Variants in SYT1 observed in about 807,000 individuals in gnomAD.
SYT1 encodes synaptotagmin-1.
Under a neutral mutation model 44.8 loss-of-function variants are expected in SYT1, and 8 were observed. The ratio of observed to expected loss-of-function variants is 0.18; its 90% CI spans 0.10 to 0.32. The LOEUF (loss-of-function observed/expected upper bound fraction) is 0.32. SYT1 is among the 10% of genes least tolerant of loss of function. The pLI is 1.00. For missense variants in SYT1, 286 were observed against 509.3 expected (o/e 0.56, Z 4.22); for synonymous variants, 154 against 188.8 (o/e 0.82, Z 1.51).
chr12:79,002,275 C>G (rs1458062277), intron 2 of SYT1, among the ~76,000 whole-genome samples: 4 of 152,046 alleles, frequency 2.6e-5, no homozygotes, highest in Admixed American at 6.6e-5. Flanking sequence ...TGCTCCCTCC[C>G]CAGTCGAAAG....
chr12:78,899,232 T>TAGTGTAGG (rs1250317631), intron 1 of SYT1, among the ~76,000 whole-genome samples: 1 of 152,046 alleles, frequency 6.6e-6, no homozygotes, highest in Non-Finnish European at 1.5e-5. Context: ...TGAATGTTTT[T>TAGTGTAGG]AGTGTAGGGA....
At chr12:78,939,778 T>A (rs1878253179) in intron 1 of SYT1, among the ~76,000 whole-genome samples, 1 of 152,194 alleles carries the variant, frequency 6.6e-6, no homozygotes, top group Non-Finnish European at 1.5e-5. Flanking sequence ...TGAAACTATC[T>A]TCTACAGTCT....
intron 4 of SYT1, among the ~76,000 whole-genome samples, chr12:79,259,863 G>A (rs530422413): frequency 6.6e-6 from 1 of 152,316 alleles, no homozygotes; most frequent in East Asian, 1.9e-4. Flanking sequence ...AGTATCCACA[G>A]CCAGAAAGAG....
chr12:79,044,729 C>G (rs1873872803), intron 2 of SYT1, among the ~76,000 whole-genome samples: 2 of 149,694 alleles, frequency 1.3e-5, no homozygotes, highest in Admixed American at 1.3e-4. Flanking sequence ...TCCAGTTTTT[C>G]TGTTCTGTTT....
intron 1 of SYT1, among the ~76,000 whole-genome samples, chr12:78,865,640 A>G (rs1451837884): frequency 6.6e-6 from 1 of 152,090 alleles, no homozygotes; most frequent in East Asian, 1.9e-4. Flanking sequence ...ATTAAACTGA[A>G]TAAGGGGAGT....
At chr12:78,915,611 A>G (rs1010302716) in intron 1 of SYT1, among the ~76,000 whole-genome samples, 3 of 151,986 alleles carry the variant, frequency 2.0e-5, no homozygotes, top group South Asian at 4.1e-4. Flanking sequence ...TTATCTATAG[A>G]TGTATTGAAT....
In SYT1 at chr12:78,869,607, CATT is replaced by C. The variant is rs1266916428; in HGVS notation, c.-217+4502_-217+4504del. 2.6e-5 allele frequency among the ~76,000 whole-genome samples: 4 copies of C among 151,786 alleles called. No homozygotes were observed. In the East Asian group the frequency reaches 7.7e-4, roughly 29 times the overall value. ...TAGTTTTAAAATGGCATCTACATTA[CATT>C]ATTTTAAAAAAGCAATATTTAAGAG... On this transcript the variant is annotated intron_variant, in intron 1 of 10. Coordinates refer to ENST00000261205, the MANE Select transcript of SYT1 (RefSeq NM_005639.3).
chr12:79,162,775 A>T lies in SYT1; in HGVS notation c.-17-54728A>T, dbSNP rs534887863. 3.5e-4 allele frequency among the ~76,000 whole-genome samples: 54 copies of T among 152,270 alleles called. No individual in the cohort carries two copies. The South Asian group carries it at 0.011, about 32-fold the overall frequency. On this transcript the variant is annotated intron_variant, in intron 3 of 10. Coordinates refer to ENST00000261205, the MANE Select transcript of SYT1 (RefSeq NM_005639.3). ...AGCAGCAATTTTGTTTTGAAATTAA[A>T]TGCAAGACTTTACATTTTCTCTATT...
At chr12:79,159,183 G>C (rs1870793601) in intron 3 of SYT1, among the ~76,000 whole-genome samples, 1 of 152,190 alleles carries the variant, frequency 6.6e-6, no homozygotes, top group Non-Finnish European at 1.5e-5. Context: ...GAGGTGAACA[G>C]TAAGGTGGAG....
intron 3 of SYT1, among the ~76,000 whole-genome samples, chr12:79,140,106 C>G (rs913906236): frequency 1.3e-5 from 2 of 152,228 alleles, no homozygotes; most frequent in African/African-American, 4.8e-5. Flanking sequence ...AAACTCGCTT[C>G]ATCTGAGAAG....
chr12:79,128,418 A>C (rs566208012), intron 3 of SYT1, among the ~76,000 whole-genome samples: 1 of 152,258 alleles, frequency 6.6e-6, no homozygotes, highest in South Asian at 2.1e-4. Context: ...AGATAGATAG[A>C]TGATAGATAG....
intron 8 of SYT1, among the ~76,000 whole-genome samples, chr12:79,342,377 A>T (rs1158825800): frequency 6.6e-6 from 1 of 151,640 alleles, no homozygotes; most frequent in African/African-American, 2.4e-5. Context: ...AACCACAGGC[A>T]TGCACCACCA....
chr12:79,443,934 A>G, intron 9 of SYT1, 139 bp from the exon 10 acceptor site: 1 of 902,730 alleles, frequency 1.1e-6, no homozygotes, highest in South Asian at 1.9e-5. Flanking sequence ...ATTTCAATAA[A>G]AAAGTATTGA....
chr12:78,958,934 T>G (rs974353591), intron 1 of SYT1, among the ~76,000 whole-genome samples: 2 of 152,198 alleles, frequency 1.3e-5, no homozygotes, highest in Non-Finnish European at 2.9e-5. Context: ...TATAATATGC[T>G]AACTCAAACT....
intron 9 of SYT1, among the ~76,000 whole-genome samples, chr12:79,383,905 C>T (rs1884324596): frequency 6.6e-6 from 1 of 152,058 alleles, no homozygotes; most frequent in African/African-American, 2.4e-5. Flanking sequence ...TGAAAAATGG[C>T]GCCAACCATA....
chr12:78,923,272 A>C (rs570971407), intron 1 of SYT1, among the ~76,000 whole-genome samples: 1 of 151,992 alleles, frequency 6.6e-6, no homozygotes, highest in Non-Finnish European at 1.5e-5. Context: ...AAATAAGCAC[A>C]CATGGCTGTT....
chr12:79,102,309 A>G (rs1383738403), intron 3 of SYT1, among the ~76,000 whole-genome samples: 2 of 150,870 alleles, frequency 1.3e-5, no homozygotes. Flanking sequence ...ACAGCTGCAC[A>G]GGCTTCTTGC....
intron 3 of SYT1, among the ~76,000 whole-genome samples, chr12:79,093,431 T>A (rs1422018550): frequency 6.6e-6 from 1 of 151,718 alleles, no homozygotes; most frequent in African/African-American, 2.4e-5. Context: ...AAAGACCTAA[T>A]AAAGACAGTA....
At position 79,370,110 on chromosome 12, in the gene SYT1, G is replaced by A. The variant is rs544571884; in HGVS notation, c.928+16491G>A. 1.2e-3 allele frequency among the ~76,000 whole-genome samples: 182 copies of A among 151,864 alleles called. 1 individual carries two copies. Among genetic ancestry groups the A allele is most frequent in the Middle Eastern group, 3.4e-3 (1 of 294 alleles). Reference sequence around the variant, plus strand: ...TTATTTATTTCAAAAATGAGTCTCCGGCAACAGAGTTCCTATACTCTATGC... The same window carrying A: ...TTATTTATTTCAAAAATGAGTCTCCAGCAACAGAGTTCCTATACTCTATGC... On this transcript the variant is annotated intron_variant, in intron 9 of 10. Coordinates refer to ENST00000261205, the MANE Select transcript of SYT1 (RefSeq NM_005639.3).
Sources: allele counts gnomAD v4.1 joint callset (sites outside exome capture counted in the v4.1 genomes callset), GRCh38; gene constraint gnomAD v4.1.1; transcripts MANE v1.5; gene names NCBI Gene and HGNC (gene_info 2026-07-23, HGNC 2026-07-21).